AFDN: variants seen among roughly 807,000 people sequenced by gnomAD.
AFDN encodes the protein afadin, adherens junction formation factor.
A neutral mutation model predicts 216.6 loss-of-function variants in AFDN; 68 were observed. That is an observed-to-expected ratio of 0.31 (90% CI 0.26 to 0.38). The LOEUF (loss-of-function observed/expected upper bound fraction) is 0.38. AFDN is among the 10% of genes least tolerant of loss of function. The pLI is 1.00. For synonymous variants in AFDN, 868 were observed against 853.7 expected (o/e 1.02, Z -0.29); for missense variants, 2,136 against 2,342.0 (o/e 0.91, Z 1.82).
chr6:167,860,829 C>A (rs949905312), intron 1 of AFDN, among the ~76,000 whole-genome samples: 1 of 152,164 alleles, frequency 6.6e-6, no homozygotes, highest in Non-Finnish European at 1.5e-5. Context: ...GAATGCCAGG[C>A]CTGTCTAGGT....
chr6:167,956,571 C>T (rs1205156145), intron 30 of AFDN, among the ~76,000 whole-genome samples: 1 of 152,182 alleles, frequency 6.6e-6, no homozygotes, highest in African/African-American at 2.4e-5. Flanking sequence ...CTCAGATATC[C>T]ACCTGCCCAT....
In AFDN at chr6:167,907,204, T is replaced by A. The variant is rs756320851; in HGVS notation, c.1684T>A (p.Ser562Thr). Residue 562 changes from serine (S) to threonine (T), a missense_variant, in exon 13 of 34, where the codon TCT (serine) becomes ACT (threonine). By Grantham distance (58) the Ser-to-Thr change is moderately conservative (BLOSUM62 1). Around this residue, in one of 8 missense-constraint regions of AFDN, gnomAD observed 817 missense variants for 965.7 expected, o/e 0.85. Transcript: ENST00000683244. ...TAGGCTGGACAGCGACAGAGTGTCG[T>A]CTGCCTCTAGCACAGCCGAGCGGGG... Reference protein sequence around the residue: ...TTRLDSDRVSSASSTAERGMV... With the variant: ...TTRLDSDRVSTASSTAERGMV... 1.9e-6 allele frequency: 3 copies of A among 1,614,192 alleles called. No homozygotes were observed. The highest frequency in any genetic ancestry group is 2.5e-6 in the Non-Finnish European group (3 of 1,180,010).
chr6:167,827,005 G>T lies in AFDN; in HGVS notation c.-128G>T, dbSNP rs1420821534. ...GAGGACGCGGCGCGGCCGCGGAGGCGGAGGCAGCCGCGGAGGCGGAGGCGG... is the reference window on the plus strand; with the variant it reads ...GAGGACGCGGCGCGGCCGCGGAGGCTGAGGCAGCCGCGGAGGCGGAGGCGG... On this transcript the variant is annotated 5_prime_UTR_variant, in exon 1 of 34. Coordinates refer to ENST00000683244, the MANE Select transcript of AFDN (RefSeq NM_001386888.1). 4.6e-5 allele frequency: 10 copies of T among 217,950 alleles called. No homozygotes were observed. The highest frequency in any genetic ancestry group is 7.6e-5 in the Non-Finnish European group (10 of 131,158). 13.5% of individuals were successfully genotyped at this position (217,950 alleles called of 1,614,324 possible).
rs146023866 is a variant in AFDN, at chr6:167,893,046, A to T, written c.1178-816A>T. On this transcript the variant is annotated intron_variant, in intron 8 of 33. Coordinates refer to ENST00000683244, the MANE Select transcript of AFDN (RefSeq NM_001386888.1). ...TGGGAGGGAATCACAGTGCCATGTG[A>T]CAAGTGACTCTGCCTCTAGTCCCGA... 3.2e-3 allele frequency among the ~76,000 whole-genome samples: 494 copies of T among 152,294 alleles called. 3 individuals are homozygous for T. Among genetic ancestry groups the T allele is most frequent in the African/African-American group, 0.011 (452 of 41,550 alleles).
chr6:167,919,168 G>A (rs906246815), intron 21 of AFDN, among the ~76,000 whole-genome samples: 1 of 152,236 alleles, frequency 6.6e-6, no homozygotes, highest in African/African-American at 2.4e-5. Context: ...TCTGCTCTGC[G>A]CACTTGATGT....
chr6:167,926,600 T>C (rs1455110541), intron 23 of AFDN, among the ~76,000 whole-genome samples: 2 of 152,178 alleles, frequency 1.3e-5, no homozygotes, highest in Non-Finnish European at 2.9e-5. Flanking sequence ...CCTGGCTAAT[T>C]TTAAAAACTT....
chr6:167,835,642 A>G (rs1780342389), intron 1 of AFDN, among the ~76,000 whole-genome samples: 1 of 152,246 alleles, frequency 6.6e-6, no homozygotes, highest in Non-Finnish European at 1.5e-5. Flanking sequence ...CGTTTTGTAT[A>G]TAGTGCATTT....
At chr6:167,907,317 G>T in intron 13 of AFDN, 28 bp downstream of exon 13, 1 of 1,501,308 alleles carries the variant, frequency 6.7e-7, no homozygotes, top group Non-Finnish European at 9.3e-7. Flanking sequence ...TTTCAATGGT[G>T]AAAGTACTGA....
chr6:167,844,749 G>T (rs1313621645), intron 1 of AFDN, among the ~76,000 whole-genome samples: 3 of 151,528 alleles, frequency 2.0e-5, no homozygotes, highest in Admixed American at 6.6e-5. Flanking sequence ...TGCATATTAT[G>T]AATTAAACTT....
chr6:167,914,454 T>A, intron 17 of AFDN, 141 bp downstream of exon 17: 1 of 1,038,384 alleles, frequency 9.6e-7, no homozygotes, highest in Non-Finnish European at 1.4e-6. Context: ...TTTTGCAAAA[T>A]GTATTAACTA....
chr6:167,945,912 C>G (rs1795202683), intron 26 of AFDN, among the ~76,000 whole-genome samples: 1 of 152,164 alleles, frequency 6.6e-6, no homozygotes, highest in Non-Finnish European at 1.5e-5. Flanking sequence ...ACATAGACTT[C>G]TAAATATGGC....
At chr6:167,943,039 G>A in intron 23 of AFDN, 90 bp from the exon 24 acceptor site, 1 of 918,430 alleles carries the variant, frequency 1.1e-6, no homozygotes, top group Non-Finnish European at 1.7e-6. Flanking sequence ...TGTACATGTT[G>A]GGTGGTTTTA....
At position 167,897,072 on chromosome 6, in the gene AFDN, A is replaced by G. The variant is rs111948315; in HGVS notation, c.1317+100A>G. 12 of 541,490 alleles carry G rather than the reference A, an allele frequency of 2.2e-5. No individual in the cohort carries two copies. In the African/African-American group the frequency reaches 2.3e-4, roughly 10 times the overall value. The allele number at this position is 541,490 out of a possible 1,614,324, so 33.5% of individuals were successfully genotyped here. ...GGTAATGAAAGAAGGAATTATAATT[A>G]CCGACTTGTATTTAAATATAAATAA... On this transcript the variant is annotated intron_variant, in intron 10 of 33. Transcript: ENST00000683244.
chr6:167,945,057 A>T (rs1363562250), intron 26 of AFDN, among the ~76,000 whole-genome samples: 1 of 148,436 alleles, frequency 6.7e-6, no homozygotes, highest in Non-Finnish European at 1.5e-5. Flanking sequence ...ATTAAAAAAA[A>T]CCTTTTGACT....
At chr6:167,827,954 A>G (rs911720128) in intron 1 of AFDN, 4 of 152,202 alleles carry the variant, frequency 2.6e-5, no homozygotes, top group Non-Finnish European at 5.9e-5. Context: ...GGTTGTTTAT[A>G]GCAAAGCTGC....
intron 6 of AFDN, among the ~76,000 whole-genome samples, 185 bp downstream of exon 6, chr6:167,880,702 T>A (rs1786003436): frequency 6.6e-6 from 1 of 152,120 alleles, no homozygotes; most frequent in African/African-American, 2.4e-5. Context: ...GCAATACATA[T>A]TTCTATTATA....
chr6:167,964,658 GTGTA>G, intron 31 of AFDN: 3 of 1,001,860 alleles, frequency 3.0e-6, no homozygotes, highest in Non-Finnish European at 3.6e-6. Context: ...GTGTGTGTGT[GTGTA>G]GCTCTAGAGG....
chr6:167,872,532 G>C (rs765495113), intron 4 of AFDN, among the ~76,000 whole-genome samples, 155 bp downstream of exon 4: 7 of 152,228 alleles, frequency 4.6e-5, no homozygotes, highest in Non-Finnish European at 1.0e-4. Flanking sequence ...TGTGTGGAGG[G>C]AGGATAGAGG....
intron 4 of AFDN, among the ~76,000 whole-genome samples, chr6:167,873,086 T>C (rs989754070): frequency 6.6e-6 from 1 of 152,260 alleles, no homozygotes; most frequent in Non-Finnish European, 1.5e-5. Context: ...CAGCTTGCTG[T>C]TGCCTTGGTC....
Sources: allele counts gnomAD v4.1 joint callset (sites outside exome capture counted in the v4.1 genomes callset), GRCh38; gene constraint gnomAD v4.1.1; regional missense constraint gnomAD v4.1.1; transcripts MANE v1.5; gene names NCBI Gene and HGNC (gene_info 2026-07-23, HGNC 2026-07-21).